SNX29: variants seen among roughly 807,000 people sequenced by gnomAD.
The protein encoded by SNX29 is sorting nexin-29.
In SNX29, 78 loss-of-function variants were observed where a neutral mutation model predicts 102.1. The ratio of observed to expected loss-of-function variants is 0.76; its 90% CI spans 0.64 to 0.92. The LOEUF (loss-of-function observed/expected upper bound fraction) is 0.92. SNX29 is among the 40% of genes least tolerant of loss of function. The probability of loss-of-function intolerance (pLI) is 0.00; values close to 1 mark genes in which losing one functional copy is unlikely to be tolerated. For synonymous variants in SNX29, 580 were observed against 414.5 expected (o/e 1.40, Z -4.85); for missense variants, 1,280 against 1,061.7 (o/e 1.21, Z -2.86).
At chr16:12,064,240 T>C (rs12926011) in intron 9 of SNX29, among the ~76,000 whole-genome samples, 4 of 151,814 alleles carry the variant, frequency 2.6e-5, no homozygotes, top group Admixed American at 6.6e-5. Flanking sequence ...TAGCTGGGCC[T>C]CCTGAACCAT....
At chr16:12,423,124 A>G (rs1339232840) in intron 18 of SNX29, among the ~76,000 whole-genome samples, 2 of 152,130 alleles carry the variant, frequency 1.3e-5, no homozygotes, top group African/African-American at 4.8e-5. Flanking sequence ...TACAGGCACA[A>G]TGCAAGTTCC....
intron 18 of SNX29, among the ~76,000 whole-genome samples, chr16:12,463,514 A>G (rs1205770229): frequency 6.6e-6 from 1 of 152,120 alleles, no homozygotes; most frequent in Non-Finnish European, 1.5e-5. Context: ...AGATCTCATG[A>G]GACTTATTCA....
At chr16:12,115,521 G>GTGTGTGTGTA (rs2053663160) in intron 11 of SNX29, among the ~76,000 whole-genome samples, 1 of 151,444 alleles carries the variant, frequency 6.6e-6, no homozygotes, top group African/African-American at 2.4e-5. Context: ...GTGTGTGTGT[G>GTGTGTGTGTA]TGGTGCTGGG....
chr16:12,404,111 C>T (rs958204204), intron 18 of SNX29, among the ~76,000 whole-genome samples: 13 of 152,170 alleles, frequency 8.5e-5, no homozygotes, highest in African/African-American at 3.1e-4. Flanking sequence ...GTTTACCTCA[C>T]CTGACCACAT....
intron 11 of SNX29, among the ~76,000 whole-genome samples, chr16:12,122,215 C>G (rs924103149): frequency 2.6e-5 from 4 of 152,178 alleles, no homozygotes; most frequent in African/African-American, 9.7e-5. Flanking sequence ...ACTTGGAACT[C>G]TTTGCTCTTG....
intron 20 of SNX29, chr16:12,527,324 C>T (rs561643309): frequency 1.6e-4 from 86 of 529,982 alleles, no homozygotes; most frequent in African/African-American, 9.7e-4. Context: ...GCTGTCTCAG[C>T]TGGAAAGCTG....
At chr16:12,154,258 G>GA (rs1342571580) in intron 13 of SNX29, among the ~76,000 whole-genome samples, 1 of 152,102 alleles carries the variant, frequency 6.6e-6, no homozygotes, top group Admixed American at 6.6e-5. Flanking sequence ...CACAGAAGGA[G>GA]AAAAAACACA....
At chr16:12,210,409 C>T (rs1217165348) in intron 14 of SNX29, among the ~76,000 whole-genome samples, 1 of 151,294 alleles carries the variant, frequency 6.6e-6, no homozygotes, top group Non-Finnish European at 1.5e-5. Context: ...TTCACTGCAG[C>T]CTCAACCTTC....
chr16:12,385,669 A>C (rs2083315717), intron 16 of SNX29, among the ~76,000 whole-genome samples: 3 of 152,204 alleles, frequency 2.0e-5, no homozygotes, highest in African/African-American at 4.8e-5. Flanking sequence ...TAAACATGCA[A>C]ACAAAGGAAA....
intron 1 of SNX29, among the ~76,000 whole-genome samples, chr16:11,992,126 CTT>C (rs1210511595): frequency 1.3e-5 from 2 of 152,044 alleles, no homozygotes; most frequent in Non-Finnish European, 2.9e-5. Context: ...GAGACCCTGT[CTT>C]TACAAAACGT....
At chr16:12,170,773 G>GTT (rs1555478043) in intron 13 of SNX29, among the ~76,000 whole-genome samples, 1 of 57,626 alleles carries the variant, frequency 1.7e-5, no homozygotes, top group African/African-American at 6.8e-4. Context: ...AGGAGTGTGA[G>GTT]TGTGTGTGTG....
chr16:12,228,384 C>T (rs1050724145), intron 14 of SNX29, among the ~76,000 whole-genome samples: 14 of 152,218 alleles, frequency 9.2e-5, no homozygotes, highest in African/African-American at 1.9e-4. Flanking sequence ...CCAGTTGGTC[C>T]GAGTTGGCAC....
chr16:12,451,639 G>C lies in SNX29; in HGVS notation c.2038-26080G>C, dbSNP rs1665354092. Among the ~76,000 whole-genome samples the C allele has an allele frequency of 2.6e-5, 4 of 152,188 alleles. No individual in the cohort carries two copies. In the South Asian group the frequency reaches 6.2e-4, roughly 24 times the overall value. ...AGCACTTTGGGAGGCTGAGGCGGGT[G>C]GACCATGAGGTCAGGAGATCAAGAC... On this transcript the variant is annotated intron_variant, in intron 18 of 20. Coordinates refer to ENST00000566228, the MANE Select transcript of SNX29 (RefSeq NM_032167.5).
chr16:12,403,933 C>T (rs35907743), intron 18 of SNX29, among the ~76,000 whole-genome samples: 94,589 of 151,872 alleles, frequency 0.62, 29,725 homozygotes, highest in Middle Eastern at 0.7. Flanking sequence ...GCCAGCTGTC[C>T]GTGGGTTGAC....
chr16:11,986,645 T>G (rs1450203114), intron 1 of SNX29, among the ~76,000 whole-genome samples: 12 of 152,222 alleles, frequency 7.9e-5, no homozygotes, highest in African/African-American at 2.4e-5. Context: ...ACCAAATTGA[T>G]GTACCGCAGC....
At chr16:12,213,930 G>C (rs1328884062) in intron 14 of SNX29, among the ~76,000 whole-genome samples, 2 of 152,188 alleles carry the variant, frequency 1.3e-5, no homozygotes, top group African/African-American at 4.8e-5. Context: ...GGCCTTGTGG[G>C]AGGATGAGGC....
intron 18 of SNX29, among the ~76,000 whole-genome samples, chr16:12,412,137 G>A (rs936529865): frequency 2.0e-5 from 3 of 152,218 alleles, no homozygotes; most frequent in Admixed American, 6.5e-5. Flanking sequence ...TGGGAGAGCC[G>A]GCCATCGGGT....
intron 14 of SNX29, among the ~76,000 whole-genome samples, chr16:12,272,868 A>G (rs2079131994): frequency 6.6e-6 from 1 of 151,882 alleles, no homozygotes; most frequent in South Asian, 2.1e-4. Flanking sequence ...GGAATTACTT[A>G]TTTCTCATCG....
chr16:12,516,773 C>T (rs2089885184), intron 19 of SNX29, among the ~76,000 whole-genome samples: 1 of 152,204 alleles, frequency 6.6e-6, no homozygotes, highest in Non-Finnish European at 1.5e-5. Context: ...AGGTGCGGCT[C>T]CTGGGGAGGG....
Sources: allele counts gnomAD v4.1 joint callset (sites outside exome capture counted in the v4.1 genomes callset), GRCh38; gene constraint gnomAD v4.1.1; transcripts MANE v1.5; gene names NCBI Gene and HGNC (gene_info 2026-07-23, HGNC 2026-07-21).